Variants in CLMN observed in about 807,000 individuals in gnomAD.
CLMN encodes calmin (calponin-like, transmembrane).
Under a neutral mutation model 92.7 loss-of-function variants are expected in CLMN, and 57 were observed. The ratio of observed to expected loss-of-function variants is 0.61; its 90% CI spans 0.50 to 0.77. The LOEUF (loss-of-function observed/expected upper bound fraction) is 0.77, where lower values mean the gene tolerates loss of function less well. Ranked by LOEUF, CLMN falls within the 30% of genes least tolerant of loss-of-function variation. CLMN has a pLI of 0.00. For synonymous variants in CLMN, 466 were observed against 470.6 expected (o/e 0.99, Z 0.13); for missense variants, 1,158 against 1,237.5 (o/e 0.94, Z 0.96).
intron 1 of CLMN, among the ~76,000 whole-genome samples, chr14:95,303,403 C>A (rs1901140498): frequency 2.0e-5 from 3 of 152,216 alleles, no homozygotes; most frequent in Admixed American, 2.0e-4. Context: ...CCCACGCCCA[C>A]CCCTGCCACG....
chr14:95,252,306 C>A (rs192698006), intron 1 of CLMN, among the ~76,000 whole-genome samples: 2 of 152,160 alleles, frequency 1.3e-5, no homozygotes, highest in African/African-American at 4.8e-5. Context: ...TGTCCCCATA[C>A]GGAAAGTGGG....
intron 1 of CLMN, among the ~76,000 whole-genome samples, chr14:95,308,418 A>G (rs1421281409): frequency 6.6e-6 from 1 of 152,006 alleles, no homozygotes. Flanking sequence ...GTCTCTCCCC[A>G]TGTCCCCACA....
intron 1 of CLMN, among the ~76,000 whole-genome samples, chr14:95,258,561 T>G (rs1398015457): frequency 6.8e-6 from 1 of 146,022 alleles, no homozygotes; most frequent in South Asian, 2.2e-4. Flanking sequence ...GTGGTGTGGT[T>G]GTGTGTGAAG....
chr14:95,215,798 T>C (rs1047922014), intron 4 of CLMN, 65 bp from the exon 5 acceptor site: 8 of 1,193,160 alleles, frequency 6.7e-6, no homozygotes, highest in Non-Finnish European at 1.0e-5. Context: ...TGTTATTTTC[T>C]GGTTCTCTCT....
intron 1 of CLMN, among the ~76,000 whole-genome samples, chr14:95,239,014 A>T (rs1455800071): frequency 1.3e-5 from 2 of 152,208 alleles, no homozygotes; most frequent in Non-Finnish European, 2.9e-5. Context: ...GCTGTGAGTT[A>T]TTCTGTCTAA....
At chr14:95,197,919 A>G (rs991091036) in intron 9 of CLMN, among the ~76,000 whole-genome samples, 3 of 152,116 alleles carry the variant, frequency 2.0e-5, no homozygotes, top group Admixed American at 6.5e-5. Context: ...GCCCTCATCA[A>G]TGGTCAAATG....
At chr14:95,193,945 C>T (rs1245668378) in intron 11 of CLMN, 26 bp from the exon 12 acceptor site, 2 of 1,608,134 alleles carry the variant, frequency 1.2e-6, no homozygotes, top group Non-Finnish European at 1.7e-6. Context: ...TAAACAAAAG[C>T]CCCCGCAACC....
At chr14:95,251,444 T>C (rs1366035878) in intron 1 of CLMN, among the ~76,000 whole-genome samples, 1 of 152,224 alleles carries the variant, frequency 6.6e-6, no homozygotes, top group Non-Finnish European at 1.5e-5. Context: ...ATGTCTTCGA[T>C]TGTATAAATA....
At chr14:95,219,276 GAGC>G (rs1566874743) in intron 4 of CLMN, among the ~76,000 whole-genome samples, 1 of 152,212 alleles carries the variant, frequency 6.6e-6, no homozygotes, top group African/African-American at 2.4e-5. Context: ...GCAGCTGACA[GAGC>G]AGGAGAGTAT....
In CLMN at chr14:95,186,839, G is replaced by A. The variant is rs1344167114; in HGVS notation, c.*4725C>T. The A allele has an allele frequency of 6.6e-6, 1 of 152,298 alleles. No individual in the cohort carries two copies. The highest frequency in any genetic ancestry group is 1.5e-5 in the Non-Finnish European group (1 of 68,152). 9.4% of individuals were successfully genotyped at this position (152,298 alleles called of 1,614,324 possible). A position where few individuals can be genotyped will look rare whatever the true frequency, so the allele number is the denominator to read the frequency against. ...GCCTCCCAAAGGGCTGGGATTATAG[G>A]TGTGAGCCACTACTGTGCCTAGCCA... On this transcript the variant is annotated 3_prime_UTR_variant, in exon 13 of 13. Coordinates refer to ENST00000298912, the MANE Select transcript of CLMN (RefSeq NM_024734.4).
intron 1 of CLMN, 103 bp downstream of exon 1, chr14:95,319,608 G>A (rs181776963): frequency 1.1e-6 from 1 of 929,276 alleles, no homozygotes; most frequent in East Asian, 3.3e-5. Context: ...AACAACGAGC[G>A]GCCGGCGAGC....
chr14:95,278,222 A>G (rs1445123484), intron 1 of CLMN, among the ~76,000 whole-genome samples: 1 of 152,258 alleles, frequency 6.6e-6, no homozygotes, highest in East Asian at 1.9e-4. Flanking sequence ...GCAAAAGTTC[A>G]AAAGCCAGCA....
chr14:95,285,956 A>G (rs1900325116), intron 1 of CLMN, among the ~76,000 whole-genome samples: 1 of 152,164 alleles, frequency 6.6e-6, no homozygotes, highest in African/African-American at 2.4e-5. Flanking sequence ...TTCATATAGG[A>G]CCACATGGTA....
At chr14:95,285,013 G>T (rs1566913476) in intron 1 of CLMN, among the ~76,000 whole-genome samples, 1 of 152,100 alleles carries the variant, frequency 6.6e-6, no homozygotes, top group Non-Finnish European at 1.5e-5. Context: ...GTTGTGGGAG[G>T]GACCCAGGGG....
intron 1 of CLMN, among the ~76,000 whole-genome samples, chr14:95,309,052 A>G (rs1240271728): frequency 2.0e-5 from 3 of 152,174 alleles, no homozygotes; most frequent in African/African-American, 4.8e-5. Context: ...TCCCGCGTTC[A>G]GTCAAGGAGG....
intron 1 of CLMN, among the ~76,000 whole-genome samples, chr14:95,237,714 G>A (rs1361426409): frequency 1.3e-5 from 2 of 152,190 alleles, no homozygotes; most frequent in African/African-American, 4.8e-5. Context: ...AGCCCCATGG[G>A]TGGCAGGCTC....
intron 1 of CLMN, among the ~76,000 whole-genome samples, chr14:95,253,623 T>TG (rs200043821): frequency 0.026 from 3,983 of 151,352 alleles, 200 homozygotes; most frequent in African/African-American, 0.092. Flanking sequence ...TTTTGTTTTT[T>TG]TTTTTTTGAG....
chr14:95,193,065 TAATATTCAGA>T (rs1429980409), intron 12 of CLMN: 2 of 432,304 alleles, frequency 4.6e-6, no homozygotes, highest in African/African-American at 4.1e-5. Flanking sequence ...GGGTGTTGGG[TAATATTCAGA>T]CAGAGGCTTC....
Position 95,227,096 on chromosome 14 carries a change from G to A in CLMN, c.144+2976C>T, listed in dbSNP as rs550474190. ...GGGGCATGGAGCTCCTGAGGCCAAC[G>A]GGAGGGTGGCAGCCATAACCAGCCA... On this transcript the variant is annotated intron_variant, in intron 2 of 12. Coordinates refer to ENST00000298912, the MANE Select transcript of CLMN (RefSeq NM_024734.4). Among the ~76,000 whole-genome samples the A allele has an allele frequency of 1.2e-4, 19 of 152,206 alleles. No homozygotes were observed. The East Asian group carries it at 2.9e-3, about 23-fold the overall frequency.
Sources: gnomAD v4.1 joint callset for allele counts (sites outside exome capture counted in the v4.1 genomes callset) on GRCh38, gnomAD v4.1.1 for gene constraint, MANE v1.5 for transcripts, NCBI Gene and HGNC (gene_info 2026-07-23, HGNC 2026-07-21) for gene names.